The following SRGAP1 variants were observed in gnomAD, a reference collection of about 807,000 sequenced individuals.
The protein encoded by SRGAP1 is SLIT-ROBO Rho GTPase-activating protein 1.
In SRGAP1, 43 loss-of-function variants were observed where a neutral mutation model predicts 121.9. That is an observed-to-expected ratio of 0.35 (90% confidence interval 0.28 to 0.46). The LOEUF (loss-of-function observed/expected upper bound fraction) is 0.46. Ranked by LOEUF, SRGAP1 falls within the 20% of genes least tolerant of loss-of-function variation. The pLI is 1.00. For synonymous variants in SRGAP1, 447 were observed against 485.4 expected (o/e 0.92, Z 1.04); for missense variants, 1,102 against 1,350.9 (o/e 0.82, Z 2.89).
At chr12:64,034,097 C>A (rs1418431098) in intron 4 of SRGAP1, among the ~76,000 whole-genome samples, 1 of 152,106 alleles carries the variant, frequency 6.6e-6, no homozygotes, top group Non-Finnish European at 1.5e-5. Flanking sequence ...GGCTCCGTGT[C>A]CCCAACCAAA....
intron 1 of SRGAP1, among the ~76,000 whole-genome samples, chr12:63,972,160 C>G (rs546419023): frequency 7.9e-5 from 12 of 152,112 alleles, no homozygotes; most frequent in Non-Finnish European, 1.8e-4. Context: ...TAGAGACAAG[C>G]CTGGGCAACA....
At chr12:64,048,166 C>T (rs1325010078) in intron 6 of SRGAP1, among the ~76,000 whole-genome samples, 1 of 152,096 alleles carries the variant, frequency 6.6e-6, no homozygotes, top group African/African-American at 2.4e-5. Flanking sequence ...TTCCCAATCA[C>T]CCCCACTACC....
At chr12:64,003,119 T>A (rs1312204091) in intron 3 of SRGAP1, among the ~76,000 whole-genome samples, 1 of 146,076 alleles carries the variant, frequency 6.8e-6, no homozygotes, top group African/African-American at 2.6e-5. Context: ...AGGGTCTCAC[T>A]CTGTTGCCCA....
rs1298596821 is a variant in SRGAP1 at position 64,149,304 on chromosome 12, A to G, written c.*6632A>G. On this transcript the variant is annotated 3_prime_UTR_variant, in exon 22 of 22. Coordinates refer to ENST00000355086, the MANE Select transcript of SRGAP1 (RefSeq NM_020762.4). ...TCCAAAAAAGCACTGTCTGATATGG[A>G]GACTGGAAATATTCATAGATGACAC... 6.6e-6 allele frequency: 1 copy of G among 152,136 alleles called. No individual in the cohort carries two copies. Among genetic ancestry groups the G allele is most frequent in the Non-Finnish European group, 1.5e-5 (1 of 68,020 alleles). 9.4% of individuals were successfully genotyped at this position (152,136 alleles called of 1,614,324 possible). A position where few individuals can be genotyped will look rare whatever the true frequency, so the allele number is the denominator to read the frequency against.
rs562771598 is a variant in SRGAP1 at position 63,893,438 on chromosome 12, A to G, written c.67+48555A>G. 3.8e-4 allele frequency among the ~76,000 whole-genome samples: 58 copies of G among 152,332 alleles called. No individual in the cohort carries two copies. In the East Asian group the frequency reaches 9.8e-3, roughly 26 times the overall value. On this transcript the variant is annotated intron_variant, in intron 1 of 21. Coordinates refer to ENST00000355086, the MANE Select transcript of SRGAP1 (RefSeq NM_020762.4). ...TTTATTAATAACTCTGCAAGGTGGCAAGGGTTTCAGGGAAAAGAATAAAGT... is the reference window on the plus strand; with the variant it reads ...TTTATTAATAACTCTGCAAGGTGGCGAGGGTTTCAGGGAAAAGAATAAAGT...
At chr12:64,080,490 A>G (rs1189339348) in intron 10 of SRGAP1, 120 bp downstream of exon 10, 10 of 914,894 alleles carry the variant, frequency 1.1e-5, no homozygotes, top group Non-Finnish European at 1.8e-5. Context: ...CTCTGTGTTT[A>G]GATTTGGTTT....
chr12:64,066,294 C>A (rs1441797967), intron 8 of SRGAP1, among the ~76,000 whole-genome samples: 7 of 152,200 alleles, frequency 4.6e-5, no homozygotes, highest in Admixed American at 4.6e-4. Flanking sequence ...TGAAGTAGGA[C>A]TGACTCTTCA....
chr12:63,889,002 C>A lies in SRGAP1; in HGVS notation c.67+44119C>A, dbSNP rs367633046. Among the ~76,000 whole-genome samples the A allele has an allele frequency of 2.6e-5, 4 of 152,336 alleles. No homozygotes were observed. The East Asian group carries it at 5.8e-4, about 22-fold the overall frequency. ...GCCTGGTCCAGGAGAAACTCACACC[C>A]TTAACCCTACCCATAGCTGCTGCTT... On this transcript the variant is annotated intron_variant, in intron 1 of 21. Coordinates refer to ENST00000355086, the MANE Select transcript of SRGAP1 (RefSeq NM_020762.4).
At position 64,130,785 on chromosome 12, in the gene SRGAP1, C is replaced by T. The variant is rs73321363; in HGVS notation, c.2880+2585C>T. 2.2e-3 allele frequency among the ~76,000 whole-genome samples: 337 copies of T among 152,334 alleles called. 2 individuals carry two copies. Among genetic ancestry groups the T allele is most frequent in the African/African-American group, 7.6e-3 (315 of 41,576 alleles). On this transcript the variant is annotated intron_variant, in intron 21 of 21. Transcript: ENST00000355086. ...TACCATCATGGTGGATAAGGCATTC[C>T]ATGAGTCACAGATGGTAGTCTTGGC...
intron 1 of SRGAP1, among the ~76,000 whole-genome samples, chr12:63,929,631 T>C (rs1265609786): frequency 6.6e-6 from 1 of 151,734 alleles, no homozygotes; most frequent in African/African-American, 2.4e-5. Context: ...GTATGTATCA[T>C]AATTATATAG....
At chr12:63,959,335 AT>A (rs562174291) in intron 1 of SRGAP1, among the ~76,000 whole-genome samples, 1 of 152,058 alleles carries the variant, frequency 6.6e-6, no homozygotes, top group Non-Finnish European at 1.5e-5. Flanking sequence ...TGTTCACTTA[AT>A]TTTTTTTCCT....
intron 10 of SRGAP1, chr12:64,080,762 A>G (rs1005739290): frequency 1.5e-5 from 4 of 270,344 alleles, no homozygotes; most frequent in African/African-American, 8.8e-5. Context: ...GTTTGTTTTA[A>G]TGGGCGAGTA....
intron 14 of SRGAP1, 28 bp from the exon 15 acceptor site, chr12:64,097,213 A>G (rs2036171869): frequency 1.9e-6 from 3 of 1,559,694 alleles, no homozygotes; most frequent in Admixed American, 2.1e-5. Context: ...AGCACTGTTA[A>G]TGTAATGAGT....
chr12:63,947,540 C>T (rs969747002), intron 1 of SRGAP1, among the ~76,000 whole-genome samples: 2 of 152,138 alleles, frequency 1.3e-5, no homozygotes, highest in Non-Finnish European at 2.9e-5. Context: ...TAGAACTATC[C>T]ATTGAAGACT....
intron 4 of SRGAP1, among the ~76,000 whole-genome samples, chr12:64,034,690 G>C (rs1308531731): frequency 6.6e-6 from 1 of 152,144 alleles, no homozygotes; most frequent in Non-Finnish European, 1.5e-5. Context: ...TAGGCAGTGA[G>C]TAATATTGTA....
chr12:64,031,980 A>C (rs760835943), intron 4 of SRGAP1, among the ~76,000 whole-genome samples: 1 of 152,182 alleles, frequency 6.6e-6, no homozygotes, highest in Non-Finnish European at 1.5e-5. Flanking sequence ...CCTTTCCATT[A>C]AAAATGCTAC....
intron 3 of SRGAP1, among the ~76,000 whole-genome samples, chr12:64,001,473 C>T (rs1167847040): frequency 6.6e-6 from 1 of 152,172 alleles, no homozygotes; most frequent in African/African-American, 2.4e-5. Context: ...CAAGCAGATA[C>T]TTGAAAAGTG....
intron 1 of SRGAP1, among the ~76,000 whole-genome samples, chr12:63,962,877 A>G (rs1565972109): frequency 6.6e-6 from 1 of 152,232 alleles, no homozygotes; most frequent in African/African-American, 2.4e-5. Flanking sequence ...TTGAAGACTT[A>G]GTATAAGAAA....
chr12:64,060,600 A>C (rs2035433497), intron 6 of SRGAP1, among the ~76,000 whole-genome samples: 1 of 152,230 alleles, frequency 6.6e-6, no homozygotes, highest in Non-Finnish European at 1.5e-5. Flanking sequence ...ATATCTTTAC[A>C]TAAAAATTTC....
Sources: allele counts gnomAD v4.1 joint callset (sites outside exome capture counted in the v4.1 genomes callset), GRCh38; gene constraint gnomAD v4.1.1; transcripts MANE v1.5; gene names NCBI Gene and HGNC (gene_info 2026-07-23, HGNC 2026-07-21).